Variants in PDZRN4 observed in about 807,000 individuals in gnomAD.
The protein encoded by PDZRN4 is PDZ domain containing ring finger 4.
In PDZRN4, 70 loss-of-function variants were observed where a neutral mutation model predicts 99.0. The ratio of observed to expected loss-of-function variants is 0.71; its 90% CI spans 0.58 to 0.86. The LOEUF (loss-of-function observed/expected upper bound fraction) is 0.86, where lower values mean the gene tolerates loss of function less well. PDZRN4 is among the 40% of genes least tolerant of loss of function. PDZRN4 has a pLI of 0.00. For synonymous variants in PDZRN4, 551 were observed against 501.6 expected, an observed-to-expected ratio of 1.10 and a Z score of -1.32; for missense variants, 1,474 against 1,331.2, an observed-to-expected ratio of 1.11 and a Z score of -1.67.
At chr12:41,413,173 T>G (rs1952412984) in intron 3 of PDZRN4, 1 of 151,852 alleles carries the variant, frequency 6.6e-6, no homozygotes, top group African/African-American at 2.4e-5. Context: ...CATAATGGGA[T>G]GCTATTCAGC....
At chr12:41,390,318 A>C (rs143337639) in intron 3 of PDZRN4, among the ~76,000 whole-genome samples, 1 of 152,180 alleles carries the variant, frequency 6.6e-6, no homozygotes, top group East Asian at 1.9e-4. Flanking sequence ...TTCTTCATTA[A>C]ATGCAGCCTG....
intron 3 of PDZRN4, among the ~76,000 whole-genome samples, chr12:41,379,931 T>C (rs1041207535): frequency 3.9e-5 from 6 of 152,080 alleles, no homozygotes; most frequent in Admixed American, 2.6e-4. Context: ...CTATTCCTTG[T>C]TTCCTACTAT....
At chr12:41,312,274 A>G (rs1166980565) in intron 3 of PDZRN4, among the ~76,000 whole-genome samples, 1 of 151,910 alleles carries the variant, frequency 6.6e-6, no homozygotes, top group Non-Finnish European at 1.5e-5. Flanking sequence ...AAGAAAAAAA[A>G]AAACACACAT....
intron 3 of PDZRN4, among the ~76,000 whole-genome samples, chr12:41,384,862 A>G (rs1359595536): frequency 1.3e-5 from 2 of 152,196 alleles, no homozygotes; most frequent in African/African-American, 4.8e-5. Context: ...TTAAGATTAA[A>G]GGTGGTGTAT....
rs538265146 is a variant in PDZRN4, at chr12:41,209,867, C to T, written c.843+15679C>T. ...AGTCCTTTGGGTATATACCCAGTAA[C>T]GGGATGGCTGGGTCAAATGGTATTT... On this transcript the variant is annotated intron_variant, in intron 3 of 9. Transcript: ENST00000402685. 6.7e-3 allele frequency among the ~76,000 whole-genome samples: 1,005 copies of T among 148,990 alleles called. 8 individuals carry two copies. Among genetic ancestry groups the T allele is most frequent in the African/African-American group, 0.024 (951 of 40,208 alleles).
intron 3 of PDZRN4, among the ~76,000 whole-genome samples, chr12:41,358,825 A>G (rs1356784496): frequency 6.6e-6 from 1 of 152,014 alleles, no homozygotes; most frequent in Non-Finnish European, 1.5e-5. Context: ...TTGTGAGCAC[A>G]TGTCAAAGCT....
intron 3 of PDZRN4, among the ~76,000 whole-genome samples, chr12:41,373,283 A>T (rs1370755983): frequency 3.3e-5 from 5 of 152,244 alleles, no homozygotes; most frequent in Non-Finnish European, 7.4e-5. Context: ...ACAGGGTTTG[A>T]GCGCAGACAG....
At position 41,316,943 on chromosome 12, in the gene PDZRN4, A is replaced by G. The variant is rs1441013981; in HGVS notation, c.843+122755A>G. 4.6e-5 allele frequency among the ~76,000 whole-genome samples: 7 copies of G among 150,802 alleles called. No homozygotes were observed. The Admixed American group carries it at 4.7e-4, about 10-fold the overall frequency. ...GGCAGGTACAGCAGCTTGCCTTGTA[A>G]TGGTAGAAAAGCTTTTAATCATCAA... On this transcript the variant is annotated intron_variant, in intron 3 of 9. Transcript: ENST00000402685.
At chr12:41,549,916 G>A (rs1939023297) in intron 5 of PDZRN4, among the ~76,000 whole-genome samples, 1 of 152,064 alleles carries the variant, frequency 6.6e-6, no homozygotes, top group African/African-American at 2.4e-5. Flanking sequence ...GGGGAATATT[G>A]GAAACAAAGA....
intron 3 of PDZRN4, among the ~76,000 whole-genome samples, chr12:41,240,118 G>A (rs1269169223): frequency 8.2e-6 from 1 of 121,744 alleles, no homozygotes; most frequent in Non-Finnish European, 1.7e-5. Context: ...TTTGCTCACT[G>A]CTTTGAAAAA....
intron 3 of PDZRN4, among the ~76,000 whole-genome samples, chr12:41,376,407 A>G (rs1457745693): frequency 1.3e-5 from 2 of 151,982 alleles, no homozygotes; most frequent in African/African-American, 2.4e-5. Context: ...TGTTTTTTTT[A>G]GATAATAGCC....
intron 3 of PDZRN4, among the ~76,000 whole-genome samples, chr12:41,215,537 G>A (rs1950914596): frequency 6.6e-6 from 1 of 151,964 alleles, no homozygotes; most frequent in South Asian, 2.1e-4. Context: ...ATTTTCACTA[G>A]TAGAATAGTA....
chr12:41,190,732 C>G (rs1458267070), intron 1 of PDZRN4, among the ~76,000 whole-genome samples: 1 of 152,196 alleles, frequency 6.6e-6, no homozygotes, highest in Non-Finnish European at 1.5e-5. Flanking sequence ...TTAATAACAT[C>G]TACAACCATG....
intron 3 of PDZRN4, among the ~76,000 whole-genome samples, chr12:41,309,488 G>A (rs189773517): frequency 1.4e-4 from 22 of 152,122 alleles, no homozygotes; most frequent in Admixed American, 2.6e-4. Flanking sequence ...CCACCCTCAC[G>A]GCCTAATCAT....
chr12:41,285,197 G>A (rs190390725), intron 3 of PDZRN4, among the ~76,000 whole-genome samples: 1 of 152,032 alleles, frequency 6.6e-6, no homozygotes, highest in African/African-American at 2.4e-5. Flanking sequence ...AACAGGCAAA[G>A]AATATGAACA....
At chr12:41,543,553 C>A (rs997428539) in intron 5 of PDZRN4, among the ~76,000 whole-genome samples, 1 of 152,158 alleles carries the variant, frequency 6.6e-6, no homozygotes, top group African/African-American at 2.4e-5. Flanking sequence ...TATTGGCTCT[C>A]CTTGCTAAAA....
At chr12:41,504,023 C>A (rs934854656) in intron 3 of PDZRN4, among the ~76,000 whole-genome samples, 1 of 152,150 alleles carries the variant, frequency 6.6e-6, no homozygotes, top group Non-Finnish European at 1.5e-5. Flanking sequence ...GCAATCCCAG[C>A]ACTTTGGGAG....
chr12:41,547,431 A>G (rs1592106601), intron 5 of PDZRN4, among the ~76,000 whole-genome samples: 1 of 152,036 alleles, frequency 6.6e-6, no homozygotes, highest in South Asian at 2.1e-4. Context: ...TTTGAGACCA[A>G]CCTGGCCAAC....
chr12:41,543,596 G>T (rs559406311), intron 5 of PDZRN4, among the ~76,000 whole-genome samples: 107 of 152,282 alleles, frequency 7.0e-4, no homozygotes, highest in African/African-American at 2.5e-3. Flanking sequence ...GATATAACTT[G>T]TTGCAGGGGC....
Sources: allele counts gnomAD v4.1 joint callset (sites outside exome capture counted in the v4.1 genomes callset), GRCh38; gene constraint gnomAD v4.1.1; transcripts MANE v1.5; gene names NCBI Gene and HGNC (gene_info 2026-07-23, HGNC 2026-07-21).